PRKN: variants seen among roughly 807,000 people sequenced by gnomAD.
PRKN encodes E3 ubiquitin-protein ligase parkin.
In PRKN, 56 loss-of-function variants were observed where a neutral mutation model predicts 59.5. That is an observed-to-expected ratio of 0.94 (90% CI 0.76 to 1.18). PRKN has a LOEUF of 1.18. Ranked by LOEUF, PRKN falls within the 50% of genes most tolerant of loss-of-function variation. The probability of loss-of-function intolerance (pLI) is 0.00; values close to 1 mark genes in which losing one functional copy is unlikely to be tolerated. For synonymous variants in PRKN, 250 were observed against 222.1 expected (o/e 1.13, Z -1.12); for missense variants, 657 against 596.4 (o/e 1.10, Z -1.06).
chr6:162,010,631 A>G lies in PRKN; in HGVS notation c.619-37214T>C, dbSNP rs1163862725. Among the ~76,000 whole-genome samples, 4 of 3,842 alleles carry G rather than the reference A, an allele frequency of 1.0e-3. 2 individuals are homozygous for G. The highest frequency in any genetic ancestry group is 1.2e-3 in the Non-Finnish European group (4 of 3,232). 2.5% of individuals were successfully genotyped at this position (3,842 alleles called of 152,430 possible). On this transcript the variant is annotated intron_variant, in intron 5 of 11. Transcript: ENST00000366898. ...TATATAATATATTATATTATATATA[A>G]TATATTATATAATATATTATATAAT... is the stretch of plus-strand genomic sequence containing the variant.
chr6:162,376,667 C>A (rs1786105027), intron 2 of PRKN, among the ~76,000 whole-genome samples: 1 of 147,444 alleles, frequency 6.8e-6, no homozygotes, highest in Admixed American at 6.9e-5. Flanking sequence ...TACTAGACAG[C>A]AAAGTAGTGC....
chr6:162,665,763 C>T (rs1426422470), intron 1 of PRKN, among the ~76,000 whole-genome samples: 3 of 152,286 alleles, frequency 2.0e-5, no homozygotes, highest in Admixed American at 1.3e-4. Flanking sequence ...AGACATCATG[C>T]TACCTGACTT....
chr6:162,637,100 A>C (rs915574791), intron 1 of PRKN, among the ~76,000 whole-genome samples: 1 of 151,168 alleles, frequency 6.6e-6, no homozygotes, highest in Non-Finnish European at 1.5e-5. Context: ...ACTAAAAAAT[A>C]AAAAAAAATA....
At chr6:161,655,703 A>G (rs1034279816) in intron 7 of PRKN, among the ~76,000 whole-genome samples, 4 of 152,322 alleles carry the variant, frequency 2.6e-5, no homozygotes, top group Admixed American at 2.6e-4. Flanking sequence ...GTAGCTAAAA[A>G]ATGATTACAC....
At chr6:162,436,299 T>C (rs1789767608) in intron 2 of PRKN, among the ~76,000 whole-genome samples, 1 of 151,804 alleles carries the variant, frequency 6.6e-6, no homozygotes, top group Non-Finnish European at 1.5e-5. Flanking sequence ...ATAAATATGT[T>C]ACTAATGTTT....
intron 7 of PRKN, among the ~76,000 whole-genome samples, chr6:161,764,206 T>C (rs1395563568): frequency 6.6e-6 from 1 of 152,212 alleles, no homozygotes; most frequent in Non-Finnish European, 1.5e-5. Context: ...CTTCCATCTC[T>C]TATCTAATCT....
At chr6:162,647,311 A>G (rs1402601759) in intron 1 of PRKN, among the ~76,000 whole-genome samples, 3 of 152,142 alleles carry the variant, frequency 2.0e-5, no homozygotes, top group Admixed American at 1.3e-4. Flanking sequence ...TTTATGTGCA[A>G]TAAGTAAATC....
intron 9 of PRKN, among the ~76,000 whole-genome samples, chr6:161,504,363 G>A (rs571547908): frequency 2.0e-5 from 3 of 152,272 alleles, no homozygotes; most frequent in East Asian, 1.9e-4. Flanking sequence ...AACCCTGAGC[G>A]TCCGAGCAGG....
chr6:161,783,316 G>A (rs983036801), intron 7 of PRKN, among the ~76,000 whole-genome samples: 1 of 151,762 alleles, frequency 6.6e-6, no homozygotes, highest in Non-Finnish European at 1.5e-5. Flanking sequence ...ACTAGGCCTA[G>A]AAACAGTAAC....
chr6:162,143,353 A>G (rs1056771021), intron 4 of PRKN, among the ~76,000 whole-genome samples: 1 of 152,154 alleles, frequency 6.6e-6, no homozygotes, highest in African/African-American at 2.4e-5. Context: ...TGCTTGCACT[A>G]TGGACTTGAT....
chr6:162,431,740 T>G (rs1347572715), intron 2 of PRKN, among the ~76,000 whole-genome samples: 1 of 152,186 alleles, frequency 6.6e-6, no homozygotes, highest in Non-Finnish European at 1.5e-5. Flanking sequence ...GATGGTCCAC[T>G]ACATTCCTCC....
chr6:162,502,505 A>T (rs1239067919), intron 1 of PRKN, among the ~76,000 whole-genome samples: 1 of 152,164 alleles, frequency 6.6e-6, no homozygotes, highest in Non-Finnish European at 1.5e-5. Flanking sequence ...GCTTCACTAA[A>T]GGGCAGCATT....
chr6:161,733,804 A>ATATATATATG (rs1554298531), intron 7 of PRKN, among the ~76,000 whole-genome samples: 171 of 129,026 alleles, frequency 1.3e-3, no homozygotes, highest in African/African-American at 6.2e-3. Flanking sequence ...ATATGTATAT[A>ATATATATATG]TATATATATA....
intron 9 of PRKN, among the ~76,000 whole-genome samples, chr6:161,427,258 C>T (rs532472462): frequency 1.3e-5 from 2 of 152,270 alleles, no homozygotes; most frequent in South Asian, 4.1e-4. Context: ...GGACTCAAGC[C>T]TTGGCCTCCC....
chr6:162,665,025 A>G (rs1320072497), intron 1 of PRKN, among the ~76,000 whole-genome samples: 1 of 152,154 alleles, frequency 6.6e-6, no homozygotes, highest in Non-Finnish European at 1.5e-5. Flanking sequence ...TATCGATGGA[A>G]CATATCTTAA....
chr6:162,202,760 G>A (rs1471866835), intron 3 of PRKN, among the ~76,000 whole-genome samples: 1 of 152,176 alleles, frequency 6.6e-6, no homozygotes, highest in Non-Finnish European at 1.5e-5. Context: ...TAATATGTAA[G>A]TAAATGTTAA....
At chr6:161,883,731 A>G (rs1190465200) in intron 6 of PRKN, among the ~76,000 whole-genome samples, 1 of 152,048 alleles carries the variant, frequency 6.6e-6, no homozygotes, top group African/African-American at 2.4e-5. Flanking sequence ...CTCGCTGCTG[A>G]AACTTCCACC....
intron 4 of PRKN, among the ~76,000 whole-genome samples, chr6:162,083,079 C>T (rs920693793): frequency 2.6e-5 from 4 of 152,114 alleles, no homozygotes; most frequent in East Asian, 1.9e-4. Context: ...CTCAGCCTCC[C>T]AAGTAGCTTG....
Position 161,377,131 on chromosome 6 carries a change from G to A in PRKN, c.1167+9663C>T, listed in dbSNP as rs904111209. Among the ~76,000 whole-genome samples the A allele has an allele frequency of 2.0e-5, 3 of 152,234 alleles. No homozygotes were observed. The highest frequency in any genetic ancestry group is 7.2e-5 in the African/African-American group (3 of 41,462). Reference sequence around the variant, plus strand: ...AAGAGGTCACGTGGGGCTACCTGCGGGCCAATAAGAGCATCCCAGCAAAGA... The same window carrying A: ...AAGAGGTCACGTGGGGCTACCTGCGAGCCAATAAGAGCATCCCAGCAAAGA... On this transcript the variant is annotated intron_variant, in intron 10 of 11. Transcript: ENST00000366898. The surrounding 1 kb of genome is among the most constrained non-coding windows in gnomAD (Gnocchi z 4.2).
Sources: allele counts gnomAD v4.1 joint callset (sites outside exome capture counted in the v4.1 genomes callset), GRCh38; gene constraint gnomAD v4.1.1; non-coding constraint Gnocchi (gnomAD v3.1); transcripts MANE v1.5; gene names NCBI Gene and HGNC (gene_info 2026-07-23, HGNC 2026-07-21).